The following RIN3 variants were observed in gnomAD, a reference collection of about 807,000 sequenced individuals.
The protein encoded by RIN3 is Ras and Rab interactor 3, also known as RAB5 interacting protein 3.
Under a neutral mutation model 76.3 loss-of-function variants are expected in RIN3, and 54 were observed. The observed-to-expected ratio is 0.71, with a 90% CI of 0.57 to 0.89. RIN3 has a LOEUF of 0.89. Ranked by LOEUF, RIN3 falls within the 40% of genes least tolerant of loss-of-function variation. The pLI is 0.00. For synonymous variants in RIN3, 576 were observed against 564.0 expected, an observed-to-expected ratio of 1.02 and a Z score of -0.30; for missense variants, 1,256 against 1,322.1, an observed-to-expected ratio of 0.95 and a Z score of 0.78.
At position 92,643,574 on chromosome 14, in the gene RIN3, G is replaced by A. The variant is rs968022103; in HGVS notation, c.532+2245G>A. Among the ~76,000 whole-genome samples, 21 of 152,154 alleles carry A rather than the reference G, an allele frequency of 1.4e-4. No individual in the cohort carries two copies. The highest frequency in any genetic ancestry group is 5.1e-4 in the African/African-American group (21 of 41,416). On this transcript the variant is annotated intron_variant, in intron 5 of 9. Transcript: ENST00000216487. This position sits in a 1 kb window ranked among gnomAD's most constrained non-coding sequence, Gnocchi z 4.8. ...GCAGATGACCTCCCCCTAGGGGTTC[G>A]ATGACACCGACCATTGCAGAGCACT...
At chr14:92,674,909 A>G (rs1038499703) in intron 7 of RIN3, among the ~76,000 whole-genome samples, 13 of 141,034 alleles carry the variant, frequency 9.2e-5, no homozygotes, top group African/African-American at 2.8e-4. Context: ...AAAAAAAGGG[A>G]AAAGAAAGTT....
intron 4 of RIN3, among the ~76,000 whole-genome samples, chr14:92,625,152 G>A (rs2181378): frequency 0.56 from 85,417 of 152,030 alleles, 24,701 homozygotes; most frequent in Non-Finnish European, 0.64. Flanking sequence ...TGGAACTTAA[G>A]TATGGTAACC....
chr14:92,603,107 C>G (rs946390774), intron 3 of RIN3, among the ~76,000 whole-genome samples: 7 of 152,152 alleles, frequency 4.6e-5, no homozygotes, highest in Non-Finnish European at 1.0e-4. Context: ...TGGGTGGAGA[C>G]CAGGGCTAAG....
chr14:92,659,442 T>C lies in RIN3; in HGVS notation c.2308T>C (p.Tyr770His). 6.2e-7 allele frequency: 1 copy of C among 1,610,814 alleles called. No homozygotes were observed. Among genetic ancestry groups the C allele is most frequent in the African/African-American group, 1.3e-5 (1 of 74,976 alleles). ...CCTGCTCAAGACCTGCAAACTCATC[T>C]ACGACTCCATGGCCCTCGGCAACCC... ...SILLKTCKLI[Y>H]DSMALGNPGK... Residue 770 changes from tyrosine to histidine, a missense_variant, in exon 7 of 10, where the codon TAC becomes CAC. By Grantham distance (83) the Tyr-to-His change is moderately conservative (BLOSUM62 2). Coordinates refer to ENST00000216487, the MANE Select transcript of RIN3 (RefSeq NM_024832.5).
At position 92,641,346 on chromosome 14, in the gene RIN3, G is replaced by A; in HGVS notation, c.532+17G>A. 1 of 1,596,414 alleles carries A rather than the reference G, an allele frequency of 6.3e-7. No homozygotes were observed. Among genetic ancestry groups the A allele is most frequent in the Admixed American group, 1.7e-5 (1 of 59,992 alleles). On this transcript the variant is annotated intron_variant, in intron 5 of 9. Transcript: ENST00000216487. Reference sequence around the variant, plus strand: ...TGGGTCTGGGTGAGTCTTCTCCGAGGGGTTAGGGGAGCTGGTGGGGCGTTA... The same window carrying A: ...TGGGTCTGGGTGAGTCTTCTCCGAGAGGTTAGGGGAGCTGGTGGGGCGTTA...
At chr14:92,679,153 G>A (rs1333169456) in intron 8 of RIN3, among the ~76,000 whole-genome samples, 1 of 152,202 alleles carries the variant, frequency 6.6e-6, no homozygotes, top group Non-Finnish European at 1.5e-5. Flanking sequence ...AGTTCATAAC[G>A]GCGCTAAACA....
At chr14:92,684,425 A>C (rs900044009) in intron 8 of RIN3, among the ~76,000 whole-genome samples, 2 of 151,138 alleles carry the variant, frequency 1.3e-5, no homozygotes, top group African/African-American at 4.9e-5. Flanking sequence ...CATGTTTTAT[A>C]ATAAAGTGTT....
chr14:92,658,829 A>C (rs1887768695), intron 6 of RIN3, among the ~76,000 whole-genome samples: 2 of 152,006 alleles, frequency 1.3e-5, no homozygotes, highest in African/African-American at 4.8e-5. Flanking sequence ...ACACTGTACA[A>C]CTCCAGTGTG....
At chr14:92,577,578 G>T in intron 3 of RIN3, 101 bp downstream of exon 3, 1 of 665,234 alleles carries the variant, frequency 1.5e-6, no homozygotes, top group Admixed American at 2.5e-5. Context: ...TGCACTGATG[G>T]TGTTTAAAAT....
intron 2 of RIN3, among the ~76,000 whole-genome samples, chr14:92,569,595 T>TC (rs1242985500): frequency 6.6e-6 from 1 of 151,984 alleles, no homozygotes; most frequent in Non-Finnish European, 1.5e-5. Context: ...TTTTTTTTTT[T>TC]CTTTCTCTCT....
chr14:92,657,550 G>A (rs1887717224), intron 6 of RIN3, among the ~76,000 whole-genome samples: 1 of 152,194 alleles, frequency 6.6e-6, no homozygotes, highest in African/African-American at 2.4e-5. Context: ...AAGGGGCCGG[G>A]AGGGCGTGGG....
chr14:92,601,533 TC>T (rs1254783266), intron 3 of RIN3, among the ~76,000 whole-genome samples: 1 of 152,184 alleles, frequency 6.6e-6, no homozygotes, highest in East Asian at 1.9e-4. Flanking sequence ...GTCTTGGAGA[TC>T]CTTCTGTGGC....
At chr14:92,640,220 G>A (rs1487217331) in intron 4 of RIN3, among the ~76,000 whole-genome samples, 8 of 121,264 alleles carry the variant, frequency 6.6e-5, no homozygotes, top group Admixed American at 2.4e-4. Context: ...CTGACTGTGC[G>A]TTTGCTGGGA....
intron 1 of RIN3, among the ~76,000 whole-genome samples, chr14:92,529,837 G>A (rs8019318): frequency 0.32 from 48,976 of 152,082 alleles, 8,855 homozygotes; most frequent in Middle Eastern, 0.47. Flanking sequence ...GAAAATATGT[G>A]TGTTAGATAA....
intron 2 of RIN3, chr14:92,576,152 C>A: frequency 1.8e-6 from 2 of 1,137,396 alleles, no homozygotes; most frequent in South Asian, 1.5e-5. Flanking sequence ...GGAAGCTGTG[C>A]CACAGGAGGC....
intron 5 of RIN3, among the ~76,000 whole-genome samples, chr14:92,647,599 CTT>C (rs1313780199): frequency 6.6e-6 from 1 of 152,170 alleles, no homozygotes; most frequent in Non-Finnish European, 1.5e-5. Context: ...GAAAACTTGA[CTT>C]TGACTGACTG....
Position 92,513,957 on chromosome 14 carries a change from G to A in RIN3, c.25G>A (p.Ala9Thr), listed in dbSNP as rs1381160208. Residue 9 changes from alanine to threonine, a missense_variant, in exon 1 of 10, where the codon GCG (alanine) becomes ACG (threonine). Ala to Thr is a moderately conservative substitution (Grantham distance 58, BLOSUM62 0). Transcript: ENST00000216487. MIRHAGAPARGDPTGPVPV... is the reference protein window; with the variant it reads MIRHAGAPTRGDPTGPVPV... ...CATGATCCGACACGCCGGGGCGCCC[G>A]CGCGCGGGGACCCCACGGGGTAAGT... 8.0e-7 allele frequency: 1 copy of A among 1,244,826 alleles called. No homozygotes were observed. Among genetic ancestry groups the A allele is most frequent in the Non-Finnish European group, 1.0e-6 (1 of 994,548 alleles). The allele number at this position is 1,244,826 out of a possible 1,614,324, so 77.1% of individuals were successfully genotyped here.
chr14:92,677,920 C>T (rs1306467058), intron 8 of RIN3, among the ~76,000 whole-genome samples: 1 of 151,302 alleles, frequency 6.6e-6, no homozygotes. Context: ...ATCCGTCATC[C>T]ATCCATGCAT....
intron 3 of RIN3, among the ~76,000 whole-genome samples, chr14:92,589,160 C>T (rs768564715): frequency 8.5e-5 from 13 of 152,116 alleles, no homozygotes; most frequent in Non-Finnish European, 1.5e-4. Flanking sequence ...GTGCAAAGCC[C>T]CCTGGAAGAG....
Sources: allele counts gnomAD v4.1 joint callset (sites outside exome capture counted in the v4.1 genomes callset), GRCh38; gene constraint gnomAD v4.1.1; non-coding constraint Gnocchi (gnomAD v3.1); transcripts MANE v1.5; gene names NCBI Gene and HGNC (gene_info 2026-07-23, HGNC 2026-07-21).